RLN2: variants seen among roughly 807,000 people sequenced by gnomAD.
The protein encoded by RLN2 is prorelaxin H2.
Under a neutral mutation model 7.3 loss-of-function variants are expected in RLN2, and 10 were observed. The ratio of observed to expected loss-of-function variants is 1.36; its 90% CI spans 0.84 to 2.31. RLN2 has a LOEUF of 2.31. Ranked by LOEUF, RLN2 falls within the 30% of genes most tolerant of loss-of-function variation. The pLI is 0.00. For synonymous variants in RLN2, 103 were observed against 82.3 expected (o/e 1.25, Z -1.36); for missense variants, 298 against 217.6 (o/e 1.37, Z -2.32).
At position 5,304,715 on chromosome 9, in the gene RLN2, T is replaced by C; in HGVS notation, c.-135A>G. The C allele has an allele frequency of 3.6e-6, 3 of 843,336 alleles. No homozygotes were observed. The highest frequency in any genetic ancestry group is 1.7e-5 in the South Asian group (1 of 59,942). 52.2% of individuals were successfully genotyped at this position (843,336 alleles called of 1,614,324 possible). On this transcript the variant is annotated 5_prime_UTR_variant, in exon 1 of 2. Transcript: ENST00000381627. Reference sequence around the variant, plus strand: ...TCCCTACCCGGCTCAAGCGGTCTTTTGTATCCCTTGGGCTATCACTCAGCT... The same window carrying C: ...TCCCTACCCGGCTCAAGCGGTCTTTCGTATCCCTTGGGCTATCACTCAGCT...
At position 5,299,877 on chromosome 9, in the gene RLN2, A is replaced by T. The variant is rs547776306; in HGVS notation, c.*221T>A. The T allele has an allele frequency of 2.6e-6, 1 of 388,136 alleles. No homozygotes were observed. The highest frequency in any genetic ancestry group is 4.6e-6 in the Non-Finnish European group (1 of 218,408). 24.0% of individuals were successfully genotyped at this position (388,136 alleles called of 1,614,324 possible). ...AGACAAAAAGGCTTTTCAGCAAAAA[A>T]ATGTGTCATTTAATCACACAAAGAA... On this transcript the variant is annotated 3_prime_UTR_variant, in exon 2 of 2. Transcript: ENST00000381627.
the RLN2 span, among the ~76,000 whole-genome samples, chr9:5,333,702 C>A: frequency 6.6e-6 from 1 of 151,912 alleles, no homozygotes; most frequent in East Asian, 1.9e-4. Flanking sequence ...CAAAACCTGG[C>A]AGACATACAA....
At chr9:5,333,086 C>T in the RLN2 span, among the ~76,000 whole-genome samples, 1 of 151,884 alleles carries the variant, frequency 6.6e-6, no homozygotes, top group South Asian at 2.1e-4. Context: ...AAACTTCTAT[C>T]CTGGAAGCAA....
At chr9:5,337,908 T>A in the RLN2 span, among the ~76,000 whole-genome samples, 1 of 152,174 alleles carries the variant, frequency 6.6e-6, no homozygotes, top group African/African-American at 2.4e-5. Context: ...AAAGAATCTT[T>A]AAGTTTATGT....
the RLN2 span, among the ~76,000 whole-genome samples, chr9:5,332,172 AT>A: frequency 2.6e-5 from 4 of 152,026 alleles, no homozygotes; most frequent in Non-Finnish European, 4.4e-5. Flanking sequence ...ATTTGTTGAA[AT>A]TTTAAAAAGT....
the RLN2 span, among the ~76,000 whole-genome samples, chr9:5,335,784 CA>C: frequency 6.6e-6 from 1 of 151,960 alleles, no homozygotes. Flanking sequence ...CTTAAAGTAC[CA>C]TAATTTTACC....
the RLN2 span, among the ~76,000 whole-genome samples, chr9:5,336,062 A>T: frequency 6.6e-6 from 1 of 151,990 alleles, no homozygotes; most frequent in Non-Finnish European, 1.5e-5. Context: ...TAAGCTACTC[A>T]ATGTTTCGTG....
rs148550929 is a variant in RLN2 at position 5,304,507 on chromosome 9, T to C, written c.74A>G (p.Asp25Gly). ...LLNQFSRAVA[D>G]SWMEEVIKLC... ...TTTAATAACTTCCTCCATCCATGAG[T>C]CCGCGACTGCTCTGGAAAATTGGTT... is the stretch of plus-strand genomic sequence containing the variant. The change falls in exon 1 of 2, where the codon GAC becomes GGC. Residue 25 changes from aspartate to glycine, a missense_variant. Coordinates refer to ENST00000381627, the MANE Select transcript of RLN2 (RefSeq NM_134441.3). 1.2e-6 allele frequency: 2 copies of C among 1,613,066 alleles called. No homozygotes were observed. Among genetic ancestry groups the C allele is most frequent in the East Asian group, 4.5e-5 (2 of 44,840 alleles).
At chr9:5,322,445 G>A in the RLN2 span, among the ~76,000 whole-genome samples, 1 of 152,030 alleles carries the variant, frequency 6.6e-6, no homozygotes, top group Admixed American at 6.6e-5. Context: ...TCCAAGGAGA[G>A]AAGTTAATTC....
chr9:5,336,455 C>A, the RLN2 span, among the ~76,000 whole-genome samples: 3 of 151,990 alleles, frequency 2.0e-5, no homozygotes, highest in African/African-American at 4.8e-5. Flanking sequence ...GGGCTGGGAA[C>A]CTGCTGGACA....
chr9:5,307,281 AT>A (rs1816271472), upstream of RLN2, among the ~76,000 whole-genome samples: 3 of 100,288 alleles, frequency 3.0e-5, no homozygotes, highest in South Asian at 3.0e-4. Flanking sequence ...GGATAGATAG[AT>A]AGATAGATAG....
intron 1 of RLN2, 133 bp from the exon 2 acceptor site, chr9:5,300,577 A>C: frequency 1.6e-6 from 1 of 639,364 alleles, no homozygotes; most frequent in Non-Finnish European, 2.7e-6. Flanking sequence ...AAAATAAGCA[A>C]GCATCCTAAT....
At chr9:5,320,907 T>C in the RLN2 span, among the ~76,000 whole-genome samples, 2 of 152,036 alleles carry the variant, frequency 1.3e-5, no homozygotes, top group Admixed American at 6.6e-5. Context: ...AAGCCAGCTA[T>C]GGATAAATCT....
At chr9:5,311,818 TA>T in the RLN2 span, 27 of 646,758 alleles carry the variant, frequency 4.2e-5, 1 homozygote, top group Admixed American at 2.1e-4. Context: ...TTTTTTTTAG[TA>T]TTTTTTTTCT....
the RLN2 span, among the ~76,000 whole-genome samples, chr9:5,318,260 G>C: frequency 6.6e-6 from 1 of 152,030 alleles, no homozygotes; most frequent in Admixed American, 6.6e-5. Flanking sequence ...AGTGAGTGAA[G>C]TCAGGATAAA....
intron 1 of RLN2, among the ~76,000 whole-genome samples, chr9:5,302,211 A>G (rs752970785): frequency 1.3e-5 from 2 of 152,226 alleles, no homozygotes; most frequent in Non-Finnish European, 2.9e-5. Context: ...TTCATAATCC[A>G]TAACACCTTT....
the RLN2 span, among the ~76,000 whole-genome samples, chr9:5,325,314 C>T: frequency 6.6e-6 from 1 of 151,410 alleles, no homozygotes; most frequent in South Asian, 2.1e-4. Context: ...ATAAGAAAGG[C>T]AACAAGAATT....
At chr9:5,336,902 T>C in the RLN2 span, among the ~76,000 whole-genome samples, 1 of 152,006 alleles carries the variant, frequency 6.6e-6, no homozygotes, top group East Asian at 1.9e-4. Flanking sequence ...CTGGGGCTGA[T>C]CATTTCCTGA....
the RLN2 span, among the ~76,000 whole-genome samples, chr9:5,326,224 A>G: frequency 6.6e-6 from 1 of 152,056 alleles, no homozygotes; most frequent in Non-Finnish European, 1.5e-5. Context: ...CAAACATACC[A>G]TTATTTTGTT....
Sources: allele counts gnomAD v4.1 joint callset (sites outside exome capture counted in the v4.1 genomes callset), GRCh38; gene constraint gnomAD v4.1.1; transcripts MANE v1.5; gene names NCBI Gene and HGNC (gene_info 2026-07-23, HGNC 2026-07-21).